Variants in TMEM132B observed in about 807,000 individuals in gnomAD.
TMEM132B encodes transmembrane protein 132B.
TMEM132B carries 18 observed loss-of-function variants against 90.8 expected under a neutral mutation model. The observed-to-expected ratio is 0.20, with a 90% CI of 0.14 to 0.29. The LOEUF (loss-of-function observed/expected upper bound fraction) is 0.29, where lower values mean the gene tolerates loss of function less well. Among genes scored for constraint, TMEM132B ranks in the 10% least tolerant of loss-of-function variants. The probability of loss-of-function intolerance (pLI) is 1.00; values close to 1 mark genes in which losing one functional copy is unlikely to be tolerated. For synonymous variants in TMEM132B, 504 were observed against 523.3 expected (o/e 0.96, Z 0.50); for missense variants, 1,096 against 1,326.8 (o/e 0.83, Z 2.70).
At chr12:125,306,076 G>A (rs1423410551) in intron 1 of TMEM132B, among the ~76,000 whole-genome samples, 1 of 152,362 alleles carries the variant, frequency 6.6e-6, no homozygotes, top group Non-Finnish European at 1.5e-5. Context: ...CAGGTAAGGT[G>A]ATAAGCTTAG....
chr12:125,384,700 G>C (rs1282347731), intron 2 of TMEM132B, among the ~76,000 whole-genome samples: 1 of 152,238 alleles, frequency 6.6e-6, no homozygotes, highest in Middle Eastern at 3.4e-3. Flanking sequence ...GCTCAGGCTG[G>C]AGTGCGGCAG....
intron 2 of TMEM132B, among the ~76,000 whole-genome samples, chr12:125,412,642 G>A (rs1017177414): frequency 6.6e-6 from 1 of 152,182 alleles, no homozygotes; most frequent in African/African-American, 2.4e-5. Flanking sequence ...CGGCTGCTTG[G>A]TGAAAGAACT....
chr12:125,437,405 G>T (rs2136420070), intron 3 of TMEM132B, among the ~76,000 whole-genome samples: 1 of 152,280 alleles, frequency 6.6e-6, no homozygotes, highest in East Asian at 1.9e-4. Flanking sequence ...CCCTGTATAA[G>T]TTTTTGTTTG....
intron 4 of TMEM132B, among the ~76,000 whole-genome samples, chr12:125,552,025 A>G (rs1290344125): frequency 6.6e-6 from 1 of 152,210 alleles, no homozygotes; most frequent in African/African-American, 2.4e-5. Context: ...CAAAGAAGAA[A>G]TAACCTCTCA....
chr12:125,485,741 T>G (rs1261852663), intron 3 of TMEM132B, among the ~76,000 whole-genome samples: 2 of 152,180 alleles, frequency 1.3e-5, no homozygotes, highest in Non-Finnish European at 2.9e-5. Context: ...GAATATTAAG[T>G]GTTCACTGTG....
At chr12:125,567,423 T>C (rs1044710854) in intron 4 of TMEM132B, among the ~76,000 whole-genome samples, 2 of 152,020 alleles carry the variant, frequency 1.3e-5, no homozygotes, top group Non-Finnish European at 2.9e-5. Flanking sequence ...CCTCATCTCC[T>C]TCTTGCTCTG....
At chr12:125,229,631 C>T (rs10846845) in intron 1 of TMEM132B, among the ~76,000 whole-genome samples, 5,675 of 152,332 alleles carry the variant, frequency 0.037, 132 homozygotes, top group Non-Finnish European at 0.049. Context: ...TGACTCAGCA[C>T]TGAAAAAATC....
At position 125,383,083 on chromosome 12, in the gene TMEM132B, G is replaced by A. The variant is rs75300435; in HGVS notation, c.960-32448G>A. The stretch of plus-strand genomic sequence containing the variant: ...CCTGGAGTGGGTTTCTCAGACTGTG[G>A]TACCAGCTGCTGTCATCTTAGCTGA... On this transcript the variant is annotated intron_variant, in intron 2 of 8. Coordinates refer to ENST00000682704, the MANE Select transcript of TMEM132B (RefSeq NM_001366854.1). 7.4e-3 allele frequency among the ~76,000 whole-genome samples: 1,123 copies of A among 152,282 alleles called. 18 individuals carry two copies. Among genetic ancestry groups the A allele is most frequent in the African/African-American group, 0.026 (1,061 of 41,556 alleles).
At chr12:125,241,658 C>T (rs970783664) in intron 1 of TMEM132B, among the ~76,000 whole-genome samples, 5 of 152,148 alleles carry the variant, frequency 3.3e-5, no homozygotes, top group East Asian at 1.9e-4. Flanking sequence ...TCAGAGGAAG[C>T]GTGGTTCTGC....
At chr12:125,522,851 C>A (rs559831818) in intron 4 of TMEM132B, among the ~76,000 whole-genome samples, 9 of 152,300 alleles carry the variant, frequency 5.9e-5, no homozygotes, top group African/African-American at 9.6e-5. Flanking sequence ...AGCCTAATAT[C>A]GTGCCCATTG....
chr12:125,592,582 G>A (rs1308377671), intron 5 of TMEM132B, among the ~76,000 whole-genome samples: 3 of 152,174 alleles, frequency 2.0e-5, no homozygotes, highest in Admixed American at 6.5e-5. Context: ...CAGTGTGTGG[G>A]GAGCTGGTCA....
At chr12:125,208,629 G>C (rs947550478) in intron 1 of TMEM132B, among the ~76,000 whole-genome samples, 2 of 152,220 alleles carry the variant, frequency 1.3e-5, no homozygotes, top group African/African-American at 4.8e-5. Flanking sequence ...GGACCGCATA[G>C]TGTTTTGTAG....
chr12:125,231,909 T>C (rs1322405165), intron 1 of TMEM132B, among the ~76,000 whole-genome samples: 2 of 151,820 alleles, frequency 1.3e-5, no homozygotes, highest in South Asian at 2.1e-4. Flanking sequence ...AACTCAGTCT[T>C]TCACTCTAAA....
intron 3 of TMEM132B, among the ~76,000 whole-genome samples, chr12:125,512,841 T>A (rs1883015927): frequency 6.6e-6 from 1 of 152,110 alleles, no homozygotes; most frequent in Non-Finnish European, 1.5e-5. Context: ...AGCCATTAGA[T>A]CCTGATGAAA....
At chr12:125,320,892 A>G (rs1466041571) in intron 1 of TMEM132B, among the ~76,000 whole-genome samples, 2 of 152,162 alleles carry the variant, frequency 1.3e-5, no homozygotes, top group Non-Finnish European at 2.9e-5. Context: ...GAGAACCACA[A>G]TGTTTTTGGT....
At chr12:125,219,928 T>C (rs1327983957) in intron 1 of TMEM132B, among the ~76,000 whole-genome samples, 1 of 152,196 alleles carries the variant, frequency 6.6e-6, no homozygotes, top group East Asian at 1.9e-4. Context: ...ATCTCATCAA[T>C]AGCGACAGCT....
chr12:125,508,086 C>A (rs1267412433), intron 3 of TMEM132B, among the ~76,000 whole-genome samples: 5 of 152,160 alleles, frequency 3.3e-5, no homozygotes, highest in African/African-American at 7.2e-5. Context: ...TAAGGACGAC[C>A]AAGATTTTGA....
In TMEM132B at chr12:125,251,845, T is replaced by A. The variant is rs1432235978; in HGVS notation, c.67+64979T>A. On this transcript the variant is annotated intron_variant, in intron 1 of 8. Coordinates refer to ENST00000682704, the MANE Select transcript of TMEM132B (RefSeq NM_001366854.1). This position sits in a 1 kb window ranked among gnomAD's most constrained non-coding sequence, Gnocchi z 4.4. ...TTTATAACGTTAATAATCATAATTT[T>A]AAAAATATCGGGTGGTCAAAACAAA... 6.6e-6 allele frequency among the ~76,000 whole-genome samples: 1 copy of A among 152,198 alleles called. No homozygotes were observed. The highest frequency in any genetic ancestry group is 1.5e-5 in the Non-Finnish European group (1 of 68,042).
At chr12:125,416,272 A>T (rs1398317780) in intron 3 of TMEM132B, among the ~76,000 whole-genome samples, 1 of 152,152 alleles carries the variant, frequency 6.6e-6, no homozygotes, top group Non-Finnish European at 1.5e-5. Flanking sequence ...CCTTCCCTAC[A>T]CAGTCTCATT....
Sources: allele counts gnomAD v4.1 joint callset (sites outside exome capture counted in the v4.1 genomes callset), GRCh38; gene constraint gnomAD v4.1.1; non-coding constraint Gnocchi (gnomAD v3.1); transcripts MANE v1.5; gene names NCBI Gene and HGNC (gene_info 2026-07-23, HGNC 2026-07-21).